Variants in EYA3 observed in about 807,000 individuals in gnomAD.
EYA3 encodes protein phosphatase EYA3.
Under a neutral mutation model 80.0 loss-of-function variants are expected in EYA3, and 39 were observed. The ratio of observed to expected loss-of-function variants is 0.49; its 90% confidence interval spans 0.38 to 0.64. EYA3 has a LOEUF of 0.64. EYA3 is among the 30% of genes least tolerant of loss of function. The probability of loss-of-function intolerance (pLI) is 0.00; values close to 1 mark genes in which losing one functional copy is unlikely to be tolerated. For missense variants in EYA3, 523 were observed against 676.1 expected (o/e 0.77, Z 2.51); for synonymous variants, 206 against 232.8 (o/e 0.88, Z 1.05).
intron 1 of EYA3, among the ~76,000 whole-genome samples, chr1:28,061,531 A>C (rs909047634): frequency 6.6e-6 from 1 of 152,232 alleles, no homozygotes; most frequent in Non-Finnish European, 1.5e-5. Context: ...TAAAAGAAGT[A>C]CAGAATTACT....
At position 28,073,127 on chromosome 1, in the gene EYA3, ATTTTT is replaced by A. The variant is rs1180868021; in HGVS notation, c.-68-15038_-68-15034del. Reference sequence around the variant, plus strand: ...ATTATATATATATATATATATATATATTTTTTTTTTTTTTTTTTTTTTTTAGATAG... The same window carrying A: ...ATTATATATATATATATATATATATATTTTTTTTTTTTTTTTTTTAGATAG... On this transcript the variant is annotated intron_variant, in intron 1 of 17. Transcript: ENST00000373871. 2.5e-3 allele frequency among the ~76,000 whole-genome samples: 37 copies of A among 14,998 alleles called. 1 individual carries two copies. Among genetic ancestry groups the A allele is most frequent in the African/African-American group, 0.011 (36 of 3,170 alleles). 9.8% of individuals were successfully genotyped at this position (14,998 alleles called of 152,430 possible).
intron 1 of EYA3, among the ~76,000 whole-genome samples, chr1:28,063,536 T>C (rs1644720606): frequency 1.3e-5 from 2 of 151,902 alleles, no homozygotes; most frequent in South Asian, 4.2e-4. Context: ...TTTGTAGCGA[T>C]GGGGTTTTGC....
At chr1:28,033,116 CT>C (rs1164490787) in intron 6 of EYA3, among the ~76,000 whole-genome samples, 2 of 152,116 alleles carry the variant, frequency 1.3e-5, no homozygotes, top group African/African-American at 2.4e-5. Context: ...ATGAATTTTT[CT>C]GAAGCCCTAT....
At chr1:28,003,100 C>G (rs1455341892) in intron 11 of EYA3, among the ~76,000 whole-genome samples, 2 of 61,334 alleles carry the variant, frequency 3.3e-5, no homozygotes, top group Non-Finnish European at 6.7e-5. Flanking sequence ...ACTAAAAATA[C>G]AAAAAAAAAA....
At chr1:28,048,479 C>A (rs1236686828) in intron 2 of EYA3, 53 bp from the exon 3 acceptor site, 22 of 1,402,220 alleles carry the variant, frequency 1.6e-5, no homozygotes, top group Non-Finnish European at 2.1e-5. Context: ...TTTTTTAAAT[C>A]ATTTAGCTAC....
intron 7 of EYA3, among the ~76,000 whole-genome samples, chr1:28,020,579 G>A (rs575832057): frequency 1.3e-5 from 2 of 151,362 alleles, no homozygotes; most frequent in East Asian, 1.9e-4. Flanking sequence ...AGGCAAACTC[G>A]CCTAAAAATG....
At chr1:28,065,171 TG>T (rs1644786480) in intron 1 of EYA3, among the ~76,000 whole-genome samples, 1 of 152,246 alleles carries the variant, frequency 6.6e-6, no homozygotes, top group South Asian at 2.1e-4. Flanking sequence ...TTTCACACAC[TG>T]TGTGGCCAAA....
intron 1 of EYA3, among the ~76,000 whole-genome samples, chr1:28,070,770 A>T (rs1431299719): frequency 6.6e-6 from 1 of 152,160 alleles, no homozygotes; most frequent in Non-Finnish European, 1.5e-5. Flanking sequence ...CTTTAAATTT[A>T]TATAGTGGAA....
At chr1:27,974,656 C>G (rs1299685686) in intron 17 of EYA3, 110 bp from the exon 18 acceptor site, 1 of 782,612 alleles carries the variant, frequency 1.3e-6, no homozygotes, top group Admixed American at 2.3e-5. Context: ...CATGGTAACC[C>G]TATCTATCCC....
chr1:28,082,466 T>G (rs1645463338), intron 1 of EYA3, among the ~76,000 whole-genome samples: 2 of 152,106 alleles, frequency 1.3e-5, no homozygotes, highest in South Asian at 4.1e-4. Flanking sequence ...AGAAAGTAAT[T>G]TGTTTGTGAA....
At chr1:28,049,852 TCCTA>T (rs1221856137) in intron 2 of EYA3, among the ~76,000 whole-genome samples, 3 of 152,208 alleles carry the variant, frequency 2.0e-5, no homozygotes, top group Non-Finnish European at 4.4e-5. Flanking sequence ...GTTCTGCCCT[TCCTA>T]CCTAAAGATG....
chr1:27,980,631 C>A (rs1398783937), intron 16 of EYA3, among the ~76,000 whole-genome samples: 1 of 152,170 alleles, frequency 6.6e-6, no homozygotes, highest in African/African-American at 2.4e-5. Flanking sequence ...CTTTCCTGTT[C>A]AGGAGGATGA....
chr1:28,080,015 T>C (rs1481940807), intron 1 of EYA3, among the ~76,000 whole-genome samples: 2 of 152,186 alleles, frequency 1.3e-5, no homozygotes, highest in East Asian at 3.8e-4. Context: ...TGCAGGTACA[T>C]TGCATTAACT....
At chr1:27,997,184 T>G in intron 13 of EYA3, 136 bp downstream of exon 13, 1 of 766,294 alleles carries the variant, frequency 1.3e-6, no homozygotes, top group Non-Finnish European at 2.2e-6. Context: ...TAACTATGTT[T>G]GTTTCTATGT....
intron 1 of EYA3, among the ~76,000 whole-genome samples, chr1:28,073,127 A>ATATATATT (rs1553157671): frequency 1.3e-4 from 2 of 14,998 alleles, no homozygotes; most frequent in African/African-American, 3.2e-4. Context: ...ATATATATAT[A>ATATATATT]TTTTTTTTTT....
chr1:28,010,781 C>T, intron 10 of EYA3, 166 bp downstream of exon 10: 1 of 696,708 alleles, frequency 1.4e-6, no homozygotes, highest in Non-Finnish European at 2.3e-6. Flanking sequence ...ATAATTTGTT[C>T]TTTTTACATT....
intron 13 of EYA3, among the ~76,000 whole-genome samples, chr1:27,994,537 A>C (rs895328105): frequency 1.3e-5 from 2 of 152,090 alleles, no homozygotes; most frequent in Non-Finnish European, 2.9e-5. Flanking sequence ...AAATACAAAA[A>C]TTAGCTGGGT....
chr1:28,001,145 TAC>T (rs1299545550), intron 11 of EYA3, among the ~76,000 whole-genome samples: 3 of 149,274 alleles, frequency 2.0e-5, no homozygotes, highest in African/African-American at 4.9e-5. Context: ...ACATTATATA[TAC>T]ACAGTAATAT....
chr1:28,006,276 A>T (rs1469996670), intron 10 of EYA3, among the ~76,000 whole-genome samples: 2 of 152,186 alleles, frequency 1.3e-5, no homozygotes, highest in African/African-American at 4.8e-5. Flanking sequence ...AGGGGGAAAA[A>T]GCTACATGAT....
Sources: allele counts gnomAD v4.1 joint callset (sites outside exome capture counted in the v4.1 genomes callset), GRCh38; gene constraint gnomAD v4.1.1; transcripts MANE v1.5; gene names NCBI Gene and HGNC (gene_info 2026-07-23, HGNC 2026-07-21).